Variants in KALRN observed in about 807,000 individuals in gnomAD.
The protein encoded by KALRN is kalirin.
KALRN carries 70 observed loss-of-function variants against 353.7 expected under a neutral mutation model. The observed-to-expected ratio is 0.20, with a 90% CI of 0.16 to 0.24. KALRN has a LOEUF of 0.24. Among genes scored for constraint, KALRN ranks in the 10% least tolerant of loss-of-function variants. KALRN has a pLI of 1.00. For synonymous variants in KALRN, 1,391 were observed against 1,434.8 expected (o/e 0.97, Z 0.69); for missense variants, 2,791 against 3,756.7 (o/e 0.74, Z 6.72).
intron 51 of KALRN, among the ~76,000 whole-genome samples, chr3:124,682,334 G>T (rs1434885025): frequency 1.3e-5 from 2 of 152,142 alleles, no homozygotes; most frequent in Admixed American, 1.3e-4. Context: ...AATGGGCGTT[G>T]TCTCTCTGGG....
intron 5 of KALRN, among the ~76,000 whole-genome samples, chr3:124,270,537 T>A (rs578086762): frequency 1.3e-5 from 2 of 150,070 alleles, no homozygotes; most frequent in African/African-American, 2.5e-5. Context: ...GTTTTTTTAA[T>A]GCATATCACT....
At chr3:124,509,861 A>G (rs2065683928) in intron 33 of KALRN, among the ~76,000 whole-genome samples, 1 of 152,212 alleles carries the variant, frequency 6.6e-6, no homozygotes, top group African/African-American at 2.4e-5. Context: ...TATAATCCTT[A>G]TGATCTTTGC....
chr3:124,422,630 G>A (rs536002424), intron 14 of KALRN, among the ~76,000 whole-genome samples, 182 bp from the exon 15 acceptor site: 17 of 152,290 alleles, frequency 1.1e-4, no homozygotes, highest in African/African-American at 3.1e-4. Context: ...AAGAGATGGC[G>A]TAATTTTAGC....
intron 1 of KALRN, chr3:124,152,154 T>A (rs2068197896): frequency 2.8e-6 from 4 of 1,418,136 alleles, no homozygotes; most frequent in Non-Finnish European, 3.9e-6. Flanking sequence ...CTGCAGATGA[T>A]GCAAGAGATC....
chr3:124,459,957 C>T (rs2059690263), intron 23 of KALRN, among the ~76,000 whole-genome samples: 1 of 152,128 alleles, frequency 6.6e-6, no homozygotes, highest in Non-Finnish European at 1.5e-5. Flanking sequence ...TGTCTCCCAG[C>T]TCTCGGGACT....
At chr3:124,388,072 G>A (rs1392175992) in intron 11 of KALRN, among the ~76,000 whole-genome samples, 1 of 152,056 alleles carries the variant, frequency 6.6e-6, no homozygotes, top group Non-Finnish European at 1.5e-5. Context: ...ACATGCAAAT[G>A]TTCCCACACA....
At chr3:124,392,320 A>G (rs962457247) in intron 11 of KALRN, among the ~76,000 whole-genome samples, 4 of 152,196 alleles carry the variant, frequency 2.6e-5, no homozygotes, top group African/African-American at 9.6e-5. Flanking sequence ...ACTGATAAGT[A>G]TTGACTATAT....
chr3:124,051,096 T>G (rs2040994069), intron 1 of KALRN, among the ~76,000 whole-genome samples: 1 of 152,206 alleles, frequency 6.6e-6, no homozygotes, highest in African/African-American at 2.4e-5. Context: ...TGTATATACA[T>G]GTATATGCTT....
chr3:124,223,190 T>G (rs1264134612), intron 1 of KALRN, among the ~76,000 whole-genome samples: 1 of 151,974 alleles, frequency 6.6e-6, no homozygotes, highest in African/African-American at 2.4e-5. Flanking sequence ...TTATTTGTCT[T>G]ACTGTCACTG....
At chr3:124,072,095 T>C (rs1380368299) in intron 1 of KALRN, among the ~76,000 whole-genome samples, 2 of 152,204 alleles carry the variant, frequency 1.3e-5, no homozygotes, top group Admixed American at 6.5e-5. Context: ...TGTTCTTCCA[T>C]GGGCTGTTGA....
intron 1 of KALRN, among the ~76,000 whole-genome samples, chr3:124,066,406 A>G (rs1316855394): frequency 6.6e-6 from 1 of 152,210 alleles, no homozygotes; most frequent in African/African-American, 2.4e-5. Context: ...TGGGTTCATT[A>G]GATGTACCAG....
intron 1 of KALRN, among the ~76,000 whole-genome samples, chr3:124,142,015 A>G (rs570618042): frequency 2.6e-5 from 4 of 152,260 alleles, no homozygotes; most frequent in African/African-American, 9.6e-5. Context: ...ACTATTCTTT[A>G]TCATTAGGTA....
chr3:124,453,828 T>G (rs1482481449), intron 21 of KALRN, among the ~76,000 whole-genome samples: 1 of 152,218 alleles, frequency 6.6e-6, no homozygotes, highest in Non-Finnish European at 1.5e-5. Context: ...AGACCTCCCC[T>G]ACCCATGCCT....
intron 33 of KALRN, among the ~76,000 whole-genome samples, chr3:124,506,556 C>A (rs1391339355): frequency 6.6e-6 from 1 of 152,196 alleles, no homozygotes; most frequent in East Asian, 1.9e-4. Flanking sequence ...GAGATGCTTT[C>A]TGCATGACCG....
chr3:124,503,751 G>T (rs574815137), intron 33 of KALRN, among the ~76,000 whole-genome samples: 1 of 152,166 alleles, frequency 6.6e-6, no homozygotes, highest in African/African-American at 2.4e-5. Context: ...GTGAGGAATC[G>T]AAGTCACAGG....
chr3:124,511,269 T>C (rs976468256), intron 33 of KALRN, among the ~76,000 whole-genome samples: 1 of 152,218 alleles, frequency 6.6e-6, no homozygotes, highest in East Asian at 1.9e-4. Flanking sequence ...CGCTTGCCTT[T>C]CACCCTGGGA....
chr3:124,434,761 G>A (rs1387950280), intron 17 of KALRN, among the ~76,000 whole-genome samples: 2 of 152,252 alleles, frequency 1.3e-5, no homozygotes, highest in Admixed American at 1.3e-4. Context: ...CTATAGGGAG[G>A]TGTTGAAATA....
chr3:124,291,081 A>G (rs1185199945), intron 5 of KALRN, among the ~76,000 whole-genome samples: 1 of 152,204 alleles, frequency 6.6e-6, no homozygotes, highest in African/African-American at 2.4e-5. Flanking sequence ...GATGGGAACC[A>G]CAGCTTGCCA....
chr3:124,175,253 C>T (rs1009166292), intron 1 of KALRN, among the ~76,000 whole-genome samples: 1 of 152,262 alleles, frequency 6.6e-6, no homozygotes, highest in African/African-American at 2.4e-5. Flanking sequence ...GAATGGGAGA[C>T]GCATGCCTGG....
Sources: gnomAD v4.1 joint callset for allele counts (sites outside exome capture counted in the v4.1 genomes callset) on GRCh38, gnomAD v4.1.1 for gene constraint, MANE v1.5 for transcripts, NCBI Gene and HGNC (gene_info 2026-07-23, HGNC 2026-07-21) for gene names.